Variants in XPO5 observed in about 807,000 individuals in gnomAD.
XPO5 encodes exportin-5.
A neutral mutation model predicts 160.6 loss-of-function variants in XPO5; 46 were observed. The ratio of observed to expected loss-of-function variants is 0.29; its 90% confidence interval spans 0.23 to 0.37. The LOEUF (loss-of-function observed/expected upper bound fraction) is 0.37. Ranked by LOEUF, XPO5 falls within the 10% of genes least tolerant of loss-of-function variation. The pLI, the probability that XPO5 is intolerant of heterozygous loss-of-function variation, is 1.00. For missense variants in XPO5, 1,090 were observed against 1,463.9 expected, an observed-to-expected ratio of 0.74 and a Z score of 4.17; for synonymous variants, 537 against 519.3, an observed-to-expected ratio of 1.03 and a Z score of -0.46.
At chr6:43,532,052 A>G (rs1438062355) in intron 21 of XPO5, among the ~76,000 whole-genome samples, 1 of 152,178 alleles carries the variant, frequency 6.6e-6, no homozygotes, top group Non-Finnish European at 1.5e-5. Context: ...GTCAGAAGCT[A>G]TCTGTGGGAA....
At chr6:43,532,376 G>C (rs985990864) in intron 21 of XPO5, among the ~76,000 whole-genome samples, 1 of 152,186 alleles carries the variant, frequency 6.6e-6, no homozygotes, top group Middle Eastern at 3.4e-3. Context: ...GACCACAGCC[G>C]GGCTCAGACA....
intron 22 of XPO5, 126 bp downstream of exon 22, chr6:43,531,350 AATG>A (rs1793963160): frequency 3.7e-6 from 3 of 814,448 alleles, no homozygotes; most frequent in Non-Finnish European, 6.0e-6. Context: ...TTAACACTAG[AATG>A]ATAAGTTTCC....
chr6:43,573,300 AAAAG>A (rs1174356601), intron 2 of XPO5, 176 bp downstream of exon 2: 2 of 794,648 alleles, frequency 2.5e-6, no homozygotes, highest in East Asian at 3.0e-5. Flanking sequence ...GAAACTGAAG[AAAAG>A]AAAGGTTAAA....
Position 43,565,646 on chromosome 6 carries a change from G to C in XPO5, c.911+14C>G. 2 of 1,573,844 alleles carry C rather than the reference G, an allele frequency of 1.3e-6. No individual in the cohort carries two copies. The highest frequency in any genetic ancestry group is 1.7e-6 in the Non-Finnish European group (2 of 1,161,436). On this transcript the variant is annotated intron_variant, in intron 8 of 31. Coordinates refer to ENST00000265351, the MANE Select transcript of XPO5 (RefSeq NM_020750.3). The stretch of plus-strand genomic sequence containing the variant: ...AAGAAATTAGAAAACACACTGAAAA[G>C]TAAAGATACTCACTGTGCGGCGGAG...
intron 8 of XPO5, among the ~76,000 whole-genome samples, chr6:43,563,771 GTA>G (rs1762539456): frequency 6.6e-6 from 1 of 152,120 alleles, no homozygotes; most frequent in South Asian, 2.1e-4. Flanking sequence ...ATAAAAGATG[GTA>G]TACCTGTAGA....
intron 12 of XPO5, among the ~76,000 whole-genome samples, chr6:43,557,779 G>A (rs1323965073): frequency 1.3e-5 from 1 of 78,690 alleles, no homozygotes; most frequent in African/African-American, 5.2e-5. Context: ...TCTCAATAAA[G>A]CTGTAAAAAA....
intron 29 of XPO5, 31 bp from the exon 30 acceptor site, chr6:43,524,999 G>C: frequency 6.2e-7 from 1 of 1,608,324 alleles, no homozygotes; most frequent in East Asian, 2.2e-5. Context: ...TAGGGCCACA[G>C]GGGGCCTCTC....
chr6:43,535,731 G>A lies in XPO5; in HGVS notation c.2343-1724C>T, dbSNP rs189930727. 9.8e-3 allele frequency among the ~76,000 whole-genome samples: 1,470 copies of A among 150,676 alleles called. 8 individuals are homozygous for A. The highest frequency in any genetic ancestry group is 0.015 in the Admixed American group (234 of 15,102). On this transcript the variant is annotated intron_variant, in intron 20 of 31. Transcript: ENST00000265351. Reference sequence around the variant, plus strand: ...CGGAAGGCTGAGGTGGGAGAATGGCGTGAACCCGGGAGGCGGAGCTTGCAA... The same window carrying A: ...CGGAAGGCTGAGGTGGGAGAATGGCATGAACCCGGGAGGCGGAGCTTGCAA...
At chr6:43,530,625 T>C (rs760555003) in intron 23 of XPO5, 63 bp downstream of exon 23, 2 of 1,567,986 alleles carry the variant, frequency 1.3e-6, no homozygotes, top group South Asian at 1.1e-5. Flanking sequence ...TGCTGTGACC[T>C]GTTTTGTTTC....
chr6:43,554,301 C>T (rs575894072), intron 13 of XPO5, among the ~76,000 whole-genome samples: 1 of 151,920 alleles, frequency 6.6e-6, no homozygotes, highest in South Asian at 2.1e-4. Flanking sequence ...TTAGTAGAGA[C>T]GAGGTTTCAC....
chr6:43,551,295 T>C lies in XPO5; in HGVS notation c.1728+3A>G. The C allele has an allele frequency of 6.3e-7, 1 of 1,597,548 alleles. No individual in the cohort carries two copies. On this transcript the variant is annotated splice_donor_region_variant and intron_variant, in intron 15 of 31. Transcript: ENST00000265351. ...AAATTTACAAAGGAGATGGGCTTTATACCTTAGAGAAGACCTGGGGCAGGA... is the reference window on the plus strand; with the variant it reads ...AAATTTACAAAGGAGATGGGCTTTACACCTTAGAGAAGACCTGGGGCAGGA...
intron 23 of XPO5, 105 bp from the exon 24 acceptor site, chr6:43,529,030 G>T: frequency 1.7e-6 from 2 of 1,199,254 alleles, no homozygotes; most frequent in Non-Finnish European, 2.3e-6. Flanking sequence ...GGATTTGCCA[G>T]ATGTCAAAAA....
At chr6:43,531,696 T>C (rs1793990373) in intron 21 of XPO5, 121 bp from the exon 22 acceptor site, 1 of 820,722 alleles carries the variant, frequency 1.2e-6, no homozygotes, top group East Asian at 2.5e-5. Flanking sequence ...GGTGCTGTAC[T>C]GCAAAGCAGT....
intron 7 of XPO5, among the ~76,000 whole-genome samples, chr6:43,566,343 G>A (rs1157962952): frequency 1.3e-5 from 2 of 151,878 alleles, no homozygotes; most frequent in East Asian, 3.9e-4. Context: ...GCACTGAGCT[G>A]AGATTGCGCC....
intron 12 of XPO5, among the ~76,000 whole-genome samples, chr6:43,556,827 T>C (rs1341027988): frequency 1.3e-5 from 2 of 152,014 alleles, no homozygotes; most frequent in Non-Finnish European, 2.9e-5. Flanking sequence ...AATGAAATAT[T>C]AGCAATAAAA....
Position 43,526,757 on chromosome 6 carries a change from G to A in XPO5, c.2921-10C>T. On this transcript the variant is annotated splice_polypyrimidine_tract_variant and intron_variant, in intron 26 of 31. Coordinates refer to ENST00000265351, the MANE Select transcript of XPO5 (RefSeq NM_020750.3). ...GAAACACAGCAAACCGCTAAAGCAAGAAAGCAGGGTTACTAGGTGAAGGGT... is the reference window on the plus strand; with the variant it reads ...GAAACACAGCAAACCGCTAAAGCAAAAAAGCAGGGTTACTAGGTGAAGGGT... 1 of 1,613,382 alleles carries A rather than the reference G, an allele frequency of 6.2e-7. No homozygotes were observed. The highest frequency in any genetic ancestry group is 8.5e-7 in the Non-Finnish European group (1 of 1,179,678).
chr6:43,539,791 G>A, intron 20 of XPO5: 1 of 565,226 alleles, frequency 1.8e-6, no homozygotes, highest in Non-Finnish European at 3.1e-6. Flanking sequence ...TTGAAGGTCT[G>A]GGAGAACTCC....
At position 43,547,714 on chromosome 6, in the gene XPO5, G is replaced by T. The variant is rs1795028429; in HGVS notation, c.2061-7C>A. The T allele has an allele frequency of 1.2e-6, 2 of 1,613,114 alleles. No individual in the cohort carries two copies. The highest frequency in any genetic ancestry group is 2.2e-5 in the South Asian group (2 of 91,062). On this transcript the variant is annotated splice_polypyrimidine_tract_variant and splice_region_variant and intron_variant, in intron 18 of 31. Transcript: ENST00000265351. ...ATCAACATCTGACAGCACTCTGAAG[G>T]TTGGAGGGGGAAAAACAAGTTACAT...
chr6:43,523,850 G>A lies in XPO5; in HGVS notation c.*18C>T. On this transcript the variant is annotated 3_prime_UTR_variant, in exon 32 of 32. Coordinates refer to ENST00000265351, the MANE Select transcript of XPO5 (RefSeq NM_020750.3). ...GAGATGACAAGAAAGGCCGAGGAAGGATGCCCAAAAGCTTGATTCAGGGTT... is the reference window on the plus strand; with the variant it reads ...GAGATGACAAGAAAGGCCGAGGAAGAATGCCCAAAAGCTTGATTCAGGGTT... 6.2e-7 allele frequency: 1 copy of A among 1,613,998 alleles called. No individual in the cohort carries two copies. Among genetic ancestry groups the A allele is most frequent in the South Asian group, 1.1e-5 (1 of 91,082 alleles).
Sources: allele counts gnomAD v4.1 joint callset (sites outside exome capture counted in the v4.1 genomes callset), GRCh38; gene constraint gnomAD v4.1.1; transcripts MANE v1.5; gene names NCBI Gene and HGNC (gene_info 2026-07-23, HGNC 2026-07-21).